The following SEMA5A variants were observed in gnomAD, a reference collection of about 807,000 sequenced individuals.
SEMA5A encodes the protein semaphorin 5A, also known as semaphorin-5A.
In SEMA5A, 55 loss-of-function variants were observed where a neutral mutation model predicts 135.5. That is an observed-to-expected ratio of 0.41 (90% CI 0.33 to 0.51). The LOEUF is 0.51. Among genes scored for constraint, SEMA5A ranks in the 20% least tolerant of loss-of-function variants. The probability of loss-of-function intolerance (pLI) is 0.37; values close to 1 mark genes in which losing one functional copy is unlikely to be tolerated. For missense variants in SEMA5A, 1,290 were observed against 1,419.9 expected (o/e 0.91, Z 1.47); for synonymous variants, 580 against 546.5 (o/e 1.06, Z -0.85).
chr5:9,086,553 A>G (rs1229296586), intron 16 of SEMA5A, among the ~76,000 whole-genome samples: 1 of 152,210 alleles, frequency 6.6e-6, no homozygotes, highest in African/African-American at 2.4e-5. Context: ...CCCTAGCCAC[A>G]TGGAATTGTA....
Position 9,167,837 on chromosome 5 carries a change from C to T in SEMA5A, c.1274-13142G>A, listed in dbSNP as rs114781711. On this transcript the variant is annotated intron_variant, in intron 11 of 22. Coordinates refer to ENST00000382496, the MANE Select transcript of SEMA5A (RefSeq NM_003966.3). The stretch of plus-strand genomic sequence containing the variant: ...GAGCCTTATCCTTATTCATGACCAC[C>T]GTCATGCTCTCGGGATACAGTAGGC... 6.2e-3 allele frequency among the ~76,000 whole-genome samples: 947 copies of T among 152,204 alleles called. 5 individuals carry two copies. Among genetic ancestry groups the T allele is most frequent in the African/African-American group, 0.022 (907 of 41,516 alleles).
chr5:9,381,994 A>G (rs867817552), intron 2 of SEMA5A, among the ~76,000 whole-genome samples: 1 of 67,038 alleles, frequency 1.5e-5, no homozygotes, highest in African/African-American at 4.6e-5. Context: ...GCGCGCGCGC[A>G]CATCAAGTTT....
chr5:9,486,806 G>A (rs1168799147), intron 1 of SEMA5A, among the ~76,000 whole-genome samples: 1 of 152,124 alleles, frequency 6.6e-6, no homozygotes, highest in Non-Finnish European at 1.5e-5. Context: ...GGGGCCAGAG[G>A]TAGAAAACTT....
Position 9,051,974 on chromosome 5 carries a change from A to C in SEMA5A, c.2744T>G (p.Val915Gly), listed in dbSNP as rs768768813. The change falls in exon 20 of 23, where the codon GTC (valine) becomes GGC (glycine). Residue 915 changes from valine to glycine, a missense_variant. By Grantham distance (109) the Val-to-Gly change is moderately radical. This residue lies in a region of SEMA5A where 1,029 missense variants were observed against 1,086.6 expected (regional missense o/e 0.95). Coordinates refer to ENST00000382496, the MANE Select transcript of SEMA5A (RefSeq NM_003966.3). ...CAGGAGGATGCACTGGCGGGCGCGG[A>C]CTTGGACGCCAGAGGCTTCACACTC... ...WSECEASGVQVRARQCILLFP... is the reference protein window; with the variant it reads ...WSECEASGVQGRARQCILLFP... The C allele has an allele frequency of 1.2e-5, 20 of 1,613,774 alleles. No individual in the cohort carries two copies. In the South Asian group the frequency reaches 2.2e-4, roughly 18 times the overall value.
At chr5:9,091,991 T>G (rs1739060255) in intron 16 of SEMA5A, among the ~76,000 whole-genome samples, 1 of 152,220 alleles carries the variant, frequency 6.6e-6, no homozygotes, top group African/African-American at 2.4e-5. Flanking sequence ...CTTCCATTCT[T>G]TGAACACCTG....
chr5:9,043,440 C>T (rs974697011), intron 22 of SEMA5A, among the ~76,000 whole-genome samples: 11 of 152,168 alleles, frequency 7.2e-5, no homozygotes, highest in African/African-American at 1.9e-4. Context: ...GGACATTTAT[C>T]GGAGACCTTG....
intron 5 of SEMA5A, among the ~76,000 whole-genome samples, chr5:9,246,285 T>G (rs1378056147): frequency 6.6e-6 from 1 of 152,088 alleles, no homozygotes; most frequent in African/African-American, 2.4e-5. Flanking sequence ...CTAAAAGTAT[T>G]AGTATAAGGA....
chr5:9,508,437 A>G (rs1736026184), intron 1 of SEMA5A, among the ~76,000 whole-genome samples: 1 of 152,122 alleles, frequency 6.6e-6, no homozygotes, highest in Non-Finnish European at 1.5e-5. Context: ...CCTTGCTGCA[A>G]TCCATTCTCC....
chr5:9,357,582 G>A (rs1271588059), intron 3 of SEMA5A, among the ~76,000 whole-genome samples: 1 of 152,210 alleles, frequency 6.6e-6, no homozygotes, highest in African/African-American at 2.4e-5. Flanking sequence ...GATCCTGACA[G>A]TATAACTGCA....
chr5:9,232,564 A>G (rs1488026911), intron 6 of SEMA5A, among the ~76,000 whole-genome samples: 1 of 152,226 alleles, frequency 6.6e-6, no homozygotes. Flanking sequence ...TTGTGAATAT[A>G]TGCACATGCA....
intron 5 of SEMA5A, among the ~76,000 whole-genome samples, chr5:9,266,977 T>C (rs1276795110): frequency 1.3e-5 from 2 of 152,150 alleles, no homozygotes; most frequent in African/African-American, 4.8e-5. Context: ...CTCAGAAGAC[T>C]CCCTTAAAAT....
intron 2 of SEMA5A, among the ~76,000 whole-genome samples, chr5:9,385,895 G>A (rs1276024032): frequency 1.4e-5 from 2 of 143,322 alleles, no homozygotes; most frequent in East Asian, 2.1e-4. Context: ...TCTGCCTCCC[G>A]GGTTCAAGCA....
In SEMA5A at chr5:9,300,154, T is replaced by C. The variant is rs75097473; in HGVS notation, c.270+18218A>G. ...GTGATCCTCCTGCCTTGGCCTCCCATGTAGCTGGACCTACAGGCACACCCC... is the reference window on the plus strand; with the variant it reads ...GTGATCCTCCTGCCTTGGCCTCCCACGTAGCTGGACCTACAGGCACACCCC... On this transcript the variant is annotated intron_variant, in intron 5 of 22. Coordinates refer to ENST00000382496, the MANE Select transcript of SEMA5A (RefSeq NM_003966.3). 5.0e-3 allele frequency among the ~76,000 whole-genome samples: 755 copies of C among 152,210 alleles called. 1 individual carries two copies. The highest frequency in any genetic ancestry group is 8.3e-3 in the Non-Finnish European group (566 of 67,996).
chr5:9,491,947 T>C lies in SEMA5A; in HGVS notation c.-175+53637A>G, dbSNP rs575805825. ...AAACACAACTTGCCACTATTCTCTC[T>C]CTTCCTTGGCAAATCTATGACCAAT... On this transcript the variant is annotated intron_variant, in intron 1 of 22. Coordinates refer to ENST00000382496, the MANE Select transcript of SEMA5A (RefSeq NM_003966.3). Among the ~76,000 whole-genome samples, 10 of 152,346 alleles carry C rather than the reference T, an allele frequency of 6.6e-5. No individual in the cohort carries two copies. In the South Asian group the frequency reaches 2.1e-3, roughly 32 times the overall value.
chr5:9,188,629 C>T (rs1055345408), intron 11 of SEMA5A, among the ~76,000 whole-genome samples: 2 of 152,116 alleles, frequency 1.3e-5, no homozygotes, highest in Non-Finnish European at 2.9e-5. Flanking sequence ...TGGCCCTATT[C>T]TCCGTGTCAT....
intron 10 of SEMA5A, among the ~76,000 whole-genome samples, chr5:9,191,483 G>C (rs1178599574): frequency 6.6e-6 from 1 of 152,170 alleles, no homozygotes; most frequent in East Asian, 1.9e-4. Flanking sequence ...ATCCCCAGTA[G>C]AACTTCACAT....
intron 15 of SEMA5A, among the ~76,000 whole-genome samples, chr5:9,117,540 A>C (rs1740584299): frequency 6.6e-6 from 1 of 152,238 alleles, no homozygotes; most frequent in Admixed American, 6.5e-5. Context: ...ATATACACAA[A>C]GGCTGGATGT....
chr5:9,154,444 C>G, intron 12 of SEMA5A, 44 bp downstream of exon 12: 1 of 1,596,414 alleles, frequency 6.3e-7, no homozygotes, highest in Non-Finnish European at 8.6e-7. Context: ...TGGGTGGGCC[C>G]TTCACACACA....
chr5:9,165,377 A>G (rs1743545719), intron 11 of SEMA5A, among the ~76,000 whole-genome samples: 1 of 152,230 alleles, frequency 6.6e-6, no homozygotes, highest in Non-Finnish European at 1.5e-5. Flanking sequence ...GGATGGTGAA[A>G]TCTATTATCT....
Sources: gnomAD v4.1 joint callset for allele counts (sites outside exome capture counted in the v4.1 genomes callset) on GRCh38, gnomAD v4.1.1 for gene constraint, gnomAD v4.1.1 regional missense constraint, MANE v1.5 for transcripts, NCBI Gene and HGNC (gene_info 2026-07-23, HGNC 2026-07-21) for gene names.